CNTNAP2: variants seen among roughly 807,000 people sequenced by gnomAD.
CNTNAP2 encodes contactin associated protein 2, also known as contactin-associated protein-like 2.
CNTNAP2 carries 98 observed loss-of-function variants against 155.2 expected under a neutral mutation model. That is an observed-to-expected ratio of 0.63 (90% CI 0.54 to 0.75). The LOEUF (loss-of-function observed/expected upper bound fraction) is 0.75. Among genes scored for constraint, CNTNAP2 ranks in the 30% least tolerant of loss-of-function variants. The pLI, the probability that CNTNAP2 is intolerant of heterozygous loss-of-function variation, is 0.00. For missense variants in CNTNAP2, 1,727 were observed against 1,688.1 expected, an observed-to-expected ratio of 1.02 and a Z score of -0.40; for synonymous variants, 651 against 631.2, an observed-to-expected ratio of 1.03 and a Z score of -0.47.
At chr7:148,407,547 T>TA (rs995258874) in intron 22 of CNTNAP2, among the ~76,000 whole-genome samples, 1 of 151,504 alleles carries the variant, frequency 6.6e-6, no homozygotes, top group Non-Finnish European at 1.5e-5. Context: ...CTACAAAAAA[T>TA]AAAAAAATTT....
chr7:146,324,345 A>G (rs919803329), intron 1 of CNTNAP2, among the ~76,000 whole-genome samples: 1 of 152,158 alleles, frequency 6.6e-6, no homozygotes, highest in African/African-American at 2.4e-5. Context: ...GAGAGTTATC[A>G]TGGGGTATTG....
At chr7:147,140,490 C>T (rs990447719) in intron 8 of CNTNAP2, among the ~76,000 whole-genome samples, 3 of 152,042 alleles carry the variant, frequency 2.0e-5, no homozygotes, top group Non-Finnish European at 1.5e-5. Context: ...ATGAATATTG[C>T]TTACCCTTTT....
chr7:147,807,902 C>T (rs1391245956), intron 13 of CNTNAP2, among the ~76,000 whole-genome samples: 4 of 151,972 alleles, frequency 2.6e-5, no homozygotes, highest in Admixed American at 2.6e-4. Context: ...TTCATTGATG[C>T]CCCCTTAACA....
At chr7:146,662,295 G>A (rs1459182569) in intron 1 of CNTNAP2, among the ~76,000 whole-genome samples, 1 of 152,030 alleles carries the variant, frequency 6.6e-6, no homozygotes, top group Non-Finnish European at 1.5e-5. Context: ...CCGCCACCAC[G>A]CCTGGCTAGT....
intron 20 of CNTNAP2, among the ~76,000 whole-genome samples, chr7:148,258,091 C>T (rs1796488452): frequency 6.6e-6 from 1 of 152,170 alleles, no homozygotes; most frequent in African/African-American, 2.4e-5. Context: ...GATAACACTA[C>T]AGAGAAAGAA....
intron 4 of CNTNAP2, among the ~76,000 whole-genome samples, chr7:147,073,312 T>TA (rs34336943): frequency 0.04 from 5,547 of 140,332 alleles, 239 homozygotes; most frequent in African/African-American, 0.11. Flanking sequence ...TGCAGGAATG[T>TA]AAAAAAAAAA....
intron 1 of CNTNAP2, among the ~76,000 whole-genome samples, chr7:146,670,672 T>C (rs1800287315): frequency 6.6e-6 from 1 of 152,136 alleles, no homozygotes. Flanking sequence ...ATTCCACATG[T>C]CTATGTTGAT....
intron 1 of CNTNAP2, among the ~76,000 whole-genome samples, chr7:146,748,149 T>TTC (rs1237323678): frequency 7.0e-6 from 1 of 142,904 alleles, no homozygotes; most frequent in Non-Finnish European, 1.5e-5. Context: ...TTTTCTTTTT[T>TTC]TTTTTTTTTT....
intron 13 of CNTNAP2, among the ~76,000 whole-genome samples, chr7:147,730,353 G>A (rs10229312): frequency 0.014 from 2,105 of 152,074 alleles, 41 homozygotes; most frequent in African/African-American, 0.047. Context: ...CCCTATTGGC[G>A]CCATTTTCTT....
intron 3 of CNTNAP2, among the ~76,000 whole-genome samples, chr7:146,906,512 T>C (rs1281350044): frequency 6.6e-6 from 1 of 151,982 alleles, no homozygotes; most frequent in Non-Finnish European, 1.5e-5. Flanking sequence ...CCGAGCAGCC[T>C]AACTGGGAGG....
At chr7:147,892,400 T>G (rs1799709248) in intron 13 of CNTNAP2, among the ~76,000 whole-genome samples, 1 of 152,194 alleles carries the variant, frequency 6.6e-6, no homozygotes, top group Admixed American at 6.5e-5. Flanking sequence ...AGCATATGTT[T>G]CCATTCCATC....
chr7:147,226,685 CTACATAGCTT>C (rs1803552539), intron 8 of CNTNAP2, among the ~76,000 whole-genome samples: 1 of 152,206 alleles, frequency 6.6e-6, no homozygotes, highest in East Asian at 1.9e-4. Flanking sequence ...ACCTATCCCA[CTACATAGCTT>C]TACAAATTGC....
intron 1 of CNTNAP2, among the ~76,000 whole-genome samples, chr7:146,395,649 A>T (rs888630645): frequency 2.0e-5 from 3 of 152,160 alleles, no homozygotes; most frequent in Non-Finnish European, 4.4e-5. Flanking sequence ...GCCAGTAAAT[A>T]CCAAGACAGT....
intron 3 of CNTNAP2, among the ~76,000 whole-genome samples, chr7:146,909,004 A>G (rs1433253614): frequency 1.3e-5 from 2 of 150,710 alleles, no homozygotes; most frequent in Non-Finnish European, 3.0e-5. Context: ...ACAAACTACC[A>G]TCAGAGAATA....
chr7:148,243,483 G>A (rs563306531), intron 20 of CNTNAP2, among the ~76,000 whole-genome samples: 2 of 152,286 alleles, frequency 1.3e-5, no homozygotes, highest in East Asian at 1.9e-4. Flanking sequence ...GAAAAGTCAC[G>A]GTTCCACATG....
chr7:147,953,353 G>A (rs1800967717), intron 14 of CNTNAP2, among the ~76,000 whole-genome samples: 1 of 152,136 alleles, frequency 6.6e-6, no homozygotes, highest in Non-Finnish European at 1.5e-5. Context: ...AATTACATGA[G>A]TGGGACAAAA....
chr7:147,609,624 T>C (rs1424755474), intron 12 of CNTNAP2, among the ~76,000 whole-genome samples: 1 of 151,680 alleles, frequency 6.6e-6, no homozygotes, highest in African/African-American at 2.4e-5. Flanking sequence ...TGTCAGAAGG[T>C]GATGTGTGCT....
At chr7:148,121,216 G>A (rs1032384842) in intron 16 of CNTNAP2, among the ~76,000 whole-genome samples, 6 of 151,988 alleles carry the variant, frequency 3.9e-5, no homozygotes, top group Non-Finnish European at 8.8e-5. Context: ...TGTATTTTTA[G>A]TAGAGACGGG....
At chr7:148,288,931 A>G (rs1797140723) in intron 21 of CNTNAP2, among the ~76,000 whole-genome samples, 1 of 139,578 alleles carries the variant, frequency 7.2e-6, no homozygotes, top group Non-Finnish European at 1.5e-5. Context: ...ACAGATTAAA[A>G]TATCTTATTC....
Sources: allele counts gnomAD v4.1 joint callset (sites outside exome capture counted in the v4.1 genomes callset), GRCh38; gene constraint gnomAD v4.1.1; transcripts MANE v1.5; gene names NCBI Gene and HGNC (gene_info 2026-07-23, HGNC 2026-07-21).